The following GTPBP6 variants were observed in gnomAD, a reference collection of about 807,000 sequenced individuals.
GTPBP6 encodes putative GTP-binding protein 6.
In GTPBP6, 33 loss-of-function variants were observed where a neutral mutation model predicts 28.9. The ratio of observed to expected loss-of-function variants is 1.14; its 90% confidence interval spans 0.87 to 1.53. The LOEUF (loss-of-function observed/expected upper bound fraction) is 1.53, where lower values mean the gene tolerates loss of function less well. Among genes scored for constraint, GTPBP6 ranks in the 40% most tolerant of loss-of-function variants. The pLI, the probability that GTPBP6 is intolerant of heterozygous loss-of-function variation, is 0.00. For synonymous variants in GTPBP6, 231 were observed against 192.7 expected, an observed-to-expected ratio of 1.20 and a Z score of -1.65; for missense variants, 507 against 408.3, an observed-to-expected ratio of 1.24 and a Z score of -2.08.
At chrX:315,008 C>A (rs1241861697) in exon 4 of GTPBP6, 4 of 398,574 alleles carry the variant, frequency 1.0e-5, no homozygotes, top group African/African-American at 2.1e-5. Context: ...CCCCAGGCGG[C>A]TTCCAGTTCT....
rs1304032142 is a variant in GTPBP6 at position 317,789 on chromosome X, C to T, written c.349+650G>A. Among the ~76,000 whole-genome samples the T allele has an allele frequency of 2.4e-3, 348 of 144,992 alleles. 1 individual carries two copies. The highest frequency in any genetic ancestry group is 8.6e-3 in the African/African-American group (332 of 38,536). On this transcript the variant is annotated intron_variant, in intron 1 of 9. Coordinates refer to ENST00000326153, the Ensembl canonical transcript of GTPBP6. Reference sequence around the variant, plus strand: ...CTCCACCCCATAAGCTCCGCCCCCGCACTTTTACCCCATAGGCCCCTCCCC... The same window carrying T: ...CTCCACCCCATAAGCTCCGCCCCCGTACTTTTACCCCATAGGCCCCTCCCC...
intron 1 of GTPBP6, 92 bp from the exon 2 acceptor site, chrX:317,143 A>C (rs1244531305): frequency 9.8e-5 from 39 of 398,164 alleles, no homozygotes; most frequent in Non-Finnish European, 1.5e-4. Flanking sequence ...CCCTTGAGAC[A>C]ATCTCCCCGG....
At chrX:305,258 A>C in intron 9 of GTPBP6, 61 bp from the exon 10 acceptor site, 2 of 1,244,746 alleles carry the variant, frequency 1.6e-6, no homozygotes, top group Non-Finnish European at 2.4e-6. Flanking sequence ...GCTTAGTTTC[A>C]TGATAAATAA....
intron 1 of GTPBP6, among the ~76,000 whole-genome samples, chrX:317,565 G>GGGT (rs1207396594): frequency 7.2e-5 from 4 of 55,642 alleles, no homozygotes; most frequent in African/African-American, 1.1e-4. Context: ...TGGGGGGTGG[G>GGGT]GGGTGGGACT....
In GTPBP6 at chrX:309,021, G is replaced by C. The variant is rs1014693620; in HGVS notation, c.1126-1141C>G. Among the ~76,000 whole-genome samples, 81 of 152,058 alleles carry C rather than the reference G, an allele frequency of 5.3e-4. 1 individual carries two copies. The highest frequency in any genetic ancestry group is 1.6e-4 in the Non-Finnish European group (11 of 68,026). Reference sequence around the variant, plus strand: ...ATTGCAGGCGTGAGCCACCACACCCGGTCCATAATTTATTGTCGGGAGGAG... The same window carrying C: ...ATTGCAGGCGTGAGCCACCACACCCCGTCCATAATTTATTGTCGGGAGGAG... On this transcript the variant is annotated intron_variant, in intron 7 of 9. Coordinates refer to ENST00000326153, the Ensembl canonical transcript of GTPBP6.
Position 307,526 on chromosome X carries a change from G to T in GTPBP6, c.1275-14C>A, listed in dbSNP as rs202024889. 18,078 of 1,609,850 alleles carry T rather than the reference G, an allele frequency of 0.011. 122 individuals are homozygous for T. The highest frequency in any genetic ancestry group is 0.014 in the Non-Finnish European group (16,181 of 1,178,972). On this transcript the variant is annotated splice_polypyrimidine_tract_variant and intron_variant, in intron 8 of 9. Coordinates refer to ENST00000326153, the Ensembl canonical transcript of GTPBP6. ...GTGGGGCTGTACCTGCAAGGGTGGG[G>T]ATGTCACAGGCCCCGCTCAGCGTCG... is the stretch of plus-strand genomic sequence containing the variant.
intron 2 of GTPBP6, 31 bp downstream of exon 2, chrX:316,883 T>C (rs1443378336): frequency 2.3e-5 from 9 of 398,370 alleles, no homozygotes; most frequent in Non-Finnish European, 3.5e-5. Flanking sequence ...GAAAGGAGGT[T>C]TGGGGAAGGA....
chrX:311,557 C>T (rs772554227), exon 7 of GTPBP6: 14 of 1,612,264 alleles, frequency 8.7e-6, no homozygotes, highest in East Asian at 4.5e-5. Flanking sequence ...TGACGTCCAG[C>T]GTGGCAAACA....
intron 5 of GTPBP6, 43 bp downstream of exon 5, chrX:314,107 C>G: frequency 6.7e-7 from 1 of 1,492,216 alleles, no homozygotes; most frequent in Non-Finnish European, 9.3e-7. Flanking sequence ...CTGACAACCG[C>G]ATTCCGAGGA....
intron 9 of GTPBP6, 129 bp from the exon 10 acceptor site, chrX:305,326 T>C: frequency 1.7e-6 from 1 of 590,908 alleles, no homozygotes; most frequent in Non-Finnish European, 2.8e-6. Context: ...TTCCTTTTGT[T>C]TTTTTTTTTT....
chrX:310,952 G>A (rs2070274297), intron 7 of GTPBP6, among the ~76,000 whole-genome samples: 2 of 151,690 alleles, frequency 1.3e-5, no homozygotes. Context: ...GTCTGTCAGG[G>A]GTCTGTGACG....
chrX:317,562 T>TGGGGGG (rs1231210780), intron 1 of GTPBP6, among the ~76,000 whole-genome samples: 2 of 46,082 alleles, frequency 4.3e-5, no homozygotes, highest in African/African-American at 4.5e-4. Context: ...TCCTGGGGGG[T>TGGGGGG]GGGGGGTGGG....
chrX:305,126 A>G, exon 10 of GTPBP6: 2 of 1,613,228 alleles, frequency 1.2e-6, no homozygotes, highest in Non-Finnish European at 1.7e-6. Flanking sequence ...GCTGATGATG[A>G]CCCTCACGTC....
At chrX:306,538 A>G (rs1304573487) in intron 9 of GTPBP6, among the ~76,000 whole-genome samples, 1 of 151,020 alleles carries the variant, frequency 6.6e-6, no homozygotes, top group Non-Finnish European at 1.5e-5. Context: ...TTGTCAGCAC[A>G]GATTAGGCAA....
chrX:317,687 GCCCACCCAACCCCACCCCACCCCAC>G (rs2070463259), intron 1 of GTPBP6, among the ~76,000 whole-genome samples: 1 of 54,512 alleles, frequency 1.8e-5, no homozygotes, highest in African/African-American at 8.4e-5. Flanking sequence ...AACCGCCCCG[GCCCACCCAACCCCACCCCACCCCAC>G]CCCACCCCAC....
At chrX:305,362 C>T (rs2070136477) in intron 9 of GTPBP6, among the ~76,000 whole-genome samples, 165 bp from the exon 10 acceptor site, 1 of 148,712 alleles carries the variant, frequency 6.7e-6, no homozygotes, top group South Asian at 2.1e-4. Flanking sequence ...CACTCTGTCG[C>T]GTAGGCTGGA....
At position 312,940 on chromosome X, in the gene GTPBP6, G is replaced by A; in HGVS notation, c.758-16C>T. On this transcript the variant is annotated splice_polypyrimidine_tract_variant and intron_variant, in intron 5 of 9. Transcript: ENST00000326153. ...AAGGATTCTCCTAAAAGACACCCGAGATGGTGAGGCGGTGAGCCACGCCGG... is the reference window on the plus strand; with the variant it reads ...AAGGATTCTCCTAAAAGACACCCGAAATGGTGAGGCGGTGAGCCACGCCGG... The A allele has an allele frequency of 2.5e-6, 4 of 1,605,358 alleles. No individual in the cohort carries two copies. The highest frequency in any genetic ancestry group is 3.4e-6 in the Non-Finnish European group (4 of 1,174,740).
At chrX:309,093 C>G (rs2070232917) in intron 7 of GTPBP6, among the ~76,000 whole-genome samples, 2 of 152,148 alleles carry the variant, frequency 1.3e-5, no homozygotes, top group Admixed American at 1.3e-4. Context: ...CCCATCTCCT[C>G]AAGGAGGTGG....
In GTPBP6 at chrX:318,429, C is replaced by A; in HGVS notation, c.349+10G>T. On this transcript the variant is annotated intron_variant, in intron 1 of 9. Transcript: ENST00000326153. ...TCCTGTTTCTCCCCCGAAAGCCCTG[C>A]CGCGGTCACCTCGAGTCATCTGCGA... 1 of 398,536 alleles carries A rather than the reference C, an allele frequency of 2.5e-6. No individual in the cohort carries two copies. The highest frequency in any genetic ancestry group is 4.4e-6 in the Non-Finnish European group (1 of 226,072). The allele number at this position is 398,536 out of a possible 1,614,324, so 24.7% of individuals were successfully genotyped here.
Sources: gnomAD v4.1 joint callset for allele counts (sites outside exome capture counted in the v4.1 genomes callset) on GRCh38, gnomAD v4.1.1 for gene constraint, MANE v1.5 for transcripts, NCBI Gene and HGNC (gene_info 2026-07-23, HGNC 2026-07-21) for gene names.